PLCB2: variants seen among roughly 807,000 people sequenced by gnomAD.
PLCB2 encodes the protein phospholipase C beta 2, also known as 1-phosphatidylinositol 4,5-bisphosphate phosphodiesterase beta-2.
A neutral mutation model predicts 141.7 loss-of-function variants in PLCB2; 115 were observed. The observed-to-expected ratio is 0.81, with a 90% confidence interval of 0.70 to 0.95. The LOEUF is 0.95. PLCB2 is among the 40% of genes least tolerant of loss of function. The probability of loss-of-function intolerance (pLI) is 0.00; values close to 1 mark genes in which losing one functional copy is unlikely to be tolerated. For synonymous variants in PLCB2, 603 were observed against 595.6 expected (o/e 1.01, Z -0.18); for missense variants, 1,403 against 1,541.1 (o/e 0.91, Z 1.50).
intron 7 of PLCB2, chr15:40,300,836 A>C (rs78248643): frequency 6.6e-6 from 1 of 152,230 alleles, no homozygotes; most frequent in African/African-American, 2.4e-5. Flanking sequence ...CATCAGTCTT[A>C]GTTTGGAGCA....
chr15:40,298,953 G>A lies in PLCB2; in HGVS notation c.695C>T (p.Ala232Val). The A allele has an allele frequency of 6.2e-7, 1 of 1,605,662 alleles. No homozygotes were observed. Among genetic ancestry groups the A allele is most frequent in the Non-Finnish European group, 8.5e-7 (1 of 1,179,148 alleles). ...DEIFTSYHAKAKPYMTKEHLT... is the reference protein window; with the variant it reads ...DEIFTSYHAKVKPYMTKEHLT... ...GTGCTCCTTCGTCATGTAGGGTTTG[G>A]CCTTAGCATGGCTTCAAGCCAGAGA... Residue 232 changes from alanine (A) to valine (V), a missense_variant, in exon 9 of 32, where the codon GCC (alanine) becomes GTC (valine). Physicochemically the swap from Ala to Val is moderately conservative, Grantham distance 64. Transcript: ENST00000260402.
Position 40,291,041 on chromosome 15 carries a change from G to A in PLCB2, c.3013C>T (p.Arg1005Cys), listed in dbSNP as rs367877099. 1.0e-5 allele frequency: 16 copies of A among 1,593,838 alleles called. No individual in the cohort carries two copies. Among genetic ancestry groups the A allele is most frequent in the Admixed American group, 1.7e-5 (1 of 59,602 alleles). ...ACCTCGGCCACGTGCTGCTCCTTGC[G>A]CTTCAGAACGCACTCGTACTGCTCC... is the stretch of plus-strand genomic sequence containing the variant. ...GEEQYECVLK[R>C]KEQHVAEQIS... The change falls in exon 27 of 32, where the codon CGC becomes TGC. Residue 1005 changes from arginine to cysteine, a missense_variant. By Grantham distance (180) the Arg-to-Cys change is radical (BLOSUM62 -3). Transcript: ENST00000260402.
In PLCB2 at chr15:40,296,922, A is replaced by G; in HGVS notation, c.1324-14T>C. The G allele has an allele frequency of 3.7e-6, 6 of 1,613,594 alleles. No individual in the cohort carries two copies. The highest frequency in any genetic ancestry group is 5.1e-6 in the Non-Finnish European group (6 of 1,179,838). ...ACCTGGTTTTAGCTATGGAGTGGAG[A>G]GCAGGTCAGCACCATCTTCTCACCT... is the stretch of plus-strand genomic sequence containing the variant. On this transcript the variant is annotated splice_polypyrimidine_tract_variant and intron_variant, in intron 13 of 31. Transcript: ENST00000260402.
rs1166603022 is a variant in PLCB2, at chr15:40,301,964, T to C, written c.575A>G (p.Lys192Arg). 9.9e-6 allele frequency: 16 copies of C among 1,613,592 alleles called. No homozygotes were observed. The South Asian group carries it at 1.1e-4, about 11-fold the overall frequency. ...GGGTGCAGATCCACTCACTTTGCCT[T>C]TGGGGAGGTGGCAGGCACTGAGAGC... is the stretch of plus-strand genomic sequence containing the variant. ...EAALSACHLP[K>R]GKNDAINPED... The change falls in exon 7 of 32, where the codon AAA becomes AGA. Residue 192 changes from lysine (K) to arginine (R), a missense_variant. Physicochemically the swap from Lys to Arg is conservative, Grantham distance 26. Transcript: ENST00000260402.
chr15:40,286,851 G>C (rs370475120), downstream of PLCB2, among the ~76,000 whole-genome samples: 1 of 152,226 alleles, frequency 6.6e-6, no homozygotes, highest in African/African-American at 2.4e-5. Context: ...AGGCCTCTCC[G>C]GGGGCAGGAT....
intron 29 of PLCB2, 70 bp downstream of exon 29, chr15:40,290,507 A>T: frequency 1.8e-6 from 2 of 1,105,844 alleles, no homozygotes; most frequent in South Asian, 2.5e-5. Flanking sequence ...GTCAGGATCC[A>T]TTTGTAGAGA....
Position 40,288,746 on chromosome 15 carries a change from G to A in PLCB2, c.3527C>T (p.Ala1176Val), listed in dbSNP as rs1372263511. The A allele has an allele frequency of 6.2e-7, 1 of 1,604,422 alleles. No individual in the cohort carries two copies. Among genetic ancestry groups the A allele is most frequent in the Admixed American group, 1.7e-5 (1 of 59,676 alleles). The change falls in exon 32 of 32, where the codon GCA becomes GTA. Residue 1176 changes from alanine (A) to valine (V), a missense_variant. By Grantham distance (64) the Ala-to-Val change is moderately conservative. Coordinates refer to ENST00000260402, the MANE Select transcript of PLCB2 (RefSeq NM_004573.3). The part of the protein sequence containing the change: ...PELCEQDPLI[A>V]KADAQESRL ...GCGGCTCTCCTGGGCATCTGCCTTTGCTATGAGTGGGTCCTGCTCACACAG... is the reference window on the plus strand; with the variant it reads ...GCGGCTCTCCTGGGCATCTGCCTTTACTATGAGTGGGTCCTGCTCACACAG...
At chr15:40,304,114 C>A in intron 1 of PLCB2, 36 bp from the exon 2 acceptor site, 1 of 1,475,296 alleles carries the variant, frequency 6.8e-7, no homozygotes, top group Non-Finnish European at 9.3e-7. Flanking sequence ...TGTTCCAAGA[C>A]CTCAGGCCAA....
chr15:40,303,326 G>A lies in PLCB2; in HGVS notation c.193C>T (p.Arg65Trp), dbSNP rs374171173. 1.8e-5 allele frequency: 29 copies of A among 1,613,648 alleles called. No homozygotes were observed. The highest frequency in any genetic ancestry group is 5.3e-5 in the African/African-American group (4 of 74,886). Residue 65 changes from arginine (R) to tryptophan (W), a missense_variant, in exon 3 of 32, where the codon CGG becomes TGG. By Grantham distance (101) the Arg-to-Trp change is moderately radical (BLOSUM62 -3). Coordinates refer to ENST00000260402, the MANE Select transcript of PLCB2 (RefSeq NM_004573.3). ...EMEFLDITSI[R>W]DTRFGKFAKM... ...GCAAACTTCCCAAAGCGAGTATCCCGGATGCTGGTGATATCCAGAAACTCC... is the reference window on the plus strand; with the variant it reads ...GCAAACTTCCCAAAGCGAGTATCCCAGATGCTGGTGATATCCAGAAACTCC...
chr15:40,291,343 A>C lies in PLCB2; in HGVS notation c.2792T>G (p.Leu931Arg). 1 of 1,526,278 alleles carries C rather than the reference A, an allele frequency of 6.6e-7. No homozygotes were observed. The highest frequency in any genetic ancestry group is 2.0e-5 in the Admixed American group (1 of 50,142). 94.5% of individuals were successfully genotyped at this position (1,526,278 alleles called of 1,614,324 possible). ...EELLQRGAAQLAELGPPGVGG... is the reference protein window; with the variant it reads ...EELLQRGAAQRAELGPPGVGG... ...CACGCCCGGTGGCCCGAGCTCCGCC[A>C]GCTGCGCCGCGCCCCGCTGCAGCAG... Residue 931 changes from leucine to arginine, a missense_variant, in exon 26 of 32, where the codon CTG becomes CGG. Around this residue, in one of 4 missense-constraint regions of PLCB2, gnomAD observed 290 missense variants for 245.9 expected, o/e 1.18. Coordinates refer to ENST00000260402, the MANE Select transcript of PLCB2 (RefSeq NM_004573.3).
chr15:40,298,869 G>A lies in PLCB2; in HGVS notation c.779C>T (p.Pro260Leu), dbSNP rs754961065. 1.3e-5 allele frequency: 21 copies of A among 1,612,878 alleles called. No homozygotes were observed. Among genetic ancestry groups the A allele is most frequent in the Admixed American group, 1.0e-4 (6 of 60,012 alleles). Residue 260 changes from proline to leucine, a missense_variant, in exon 9 of 32, where the codon CCG becomes CTG. Around this residue, in one of 4 missense-constraint regions of PLCB2, gnomAD observed 975 missense variants for 1,141.1 expected, o/e 0.85. Coordinates refer to ENST00000260402, the MANE Select transcript of PLCB2 (RefSeq NM_004573.3). ...RDSRLNSLLF[P>L]PARPDQVQGL... ...CTGCACCTGGTCAGGCCGTGCTGGC[G>A]GGAACAGCAGGGAGTTAAGCCGGGA... is the stretch of plus-strand genomic sequence containing the variant.
intron 4 of PLCB2, 50 bp downstream of exon 4, chr15:40,302,419 T>C (rs1367002398): frequency 1.2e-6 from 2 of 1,612,732 alleles, no homozygotes; most frequent in Admixed American, 3.3e-5. Flanking sequence ...TCTCAGGAAG[T>C]CCAGGCTATC....
At position 40,298,381 on chromosome 15, in the gene PLCB2, C is replaced by A; in HGVS notation, c.998-1G>T. ...GAGGAGAGGCCTGAGAACTGGCCGG[C>A]TGAGCCAGAGGATGGGGAAGAGGTG... On this transcript the variant is annotated splice_acceptor_variant, in intron 10 of 31. Transcript: ENST00000260402. LOFTEE classifies it high-confidence loss of function. 6.3e-7 allele frequency: 1 copy of A among 1,581,060 alleles called. No individual in the cohort carries two copies.
chr15:40,296,304 A>G lies in PLCB2; in HGVS notation c.1688T>C (p.Phe563Ser). The change falls in exon 16 of 32, where the codon TTC becomes TCC. Residue 563 changes from phenylalanine (F) to serine (S), a missense_variant. By Grantham distance (155) the Phe-to-Ser change is radical (BLOSUM62 -2). Transcript: ENST00000260402. Reference sequence around the variant, plus strand: ...TACTCATGCTAACTTACGGGCAGAGAACTCAAAGGAGACGAACTTGGTGGG... The same window carrying G: ...TACTCATGCTAACTTACGGGCAGAGGACTCAAAGGAGACGAACTTGGTGGG... ...IQPTKFVSFE[F>S]SAQKNRSYVI... 1 of 1,612,836 alleles carries G rather than the reference A, an allele frequency of 6.2e-7. No individual in the cohort carries two copies. Among genetic ancestry groups the G allele is most frequent in the South Asian group, 1.1e-5 (1 of 90,786 alleles).
chr15:40,304,767 G>A (rs1291225844), intron 1 of PLCB2, among the ~76,000 whole-genome samples: 2 of 152,082 alleles, frequency 1.3e-5, no homozygotes, highest in Non-Finnish European at 2.9e-5. Flanking sequence ...CTTGAATGTG[G>A]TGTTTGCTGA....
intron 29 of PLCB2, 105 bp from the exon 30 acceptor site, chr15:40,290,187 G>T: frequency 1.3e-6 from 1 of 780,228 alleles, no homozygotes; most frequent in East Asian, 2.5e-5. Flanking sequence ...CCAACATAGG[G>T]CAGGAACCAG....
At chr15:40,290,979 TG>T in intron 27 of PLCB2, 38 bp downstream of exon 27, 1 of 1,145,052 alleles carries the variant, frequency 8.7e-7, no homozygotes, top group Admixed American at 2.9e-5. Context: ...GTGGGGTCGG[TG>T]GGGCTGGTGG....
rs1449125843 is a variant in PLCB2 at position 40,291,137 on chromosome 15, G to A, written c.2917C>T (p.Pro973Ser). Residue 973 changes from proline (P) to serine (S), a missense_variant, in exon 27 of 32, where the codon CCT (proline) becomes TCT (serine). Physicochemically the swap from Pro to Ser is moderately conservative, Grantham distance 74. Coordinates refer to ENST00000260402, the MANE Select transcript of PLCB2 (RefSeq NM_004573.3). ...ESAGAAPGEG[P>S]EGVDGRVREL... ...CGCACGCGCCCGTCCACGCCCTCAG[G>A]GCCCTCGCCCGGCGCGGCTCCGGCG... 6.4e-7 allele frequency: 1 copy of A among 1,573,848 alleles called. No homozygotes were observed. Among genetic ancestry groups the A allele is most frequent in the Non-Finnish European group, 8.6e-7 (1 of 1,167,692 alleles).
intron 25 of PLCB2, 58 bp from the exon 26 acceptor site, chr15:40,291,545 C>T (rs2039927662): frequency 1.2e-6 from 2 of 1,608,508 alleles, no homozygotes; most frequent in African/African-American, 2.7e-5. Flanking sequence ...GTCCAACCCC[C>T]AAGGAGCCCC....
Sources: gnomAD v4.1 joint callset for allele counts (sites outside exome capture counted in the v4.1 genomes callset) on GRCh38, gnomAD v4.1.1 for gene constraint, gnomAD v4.1.1 regional missense constraint, MANE v1.5 for transcripts, NCBI Gene and HGNC (gene_info 2026-07-23, HGNC 2026-07-21) for gene names.